The following RNF213 variants were observed in gnomAD, a reference collection of about 807,000 sequenced individuals.
The protein encoded by RNF213 is E3 ubiquitin-protein ligase RNF213.
In RNF213, 341 loss-of-function variants were observed where a neutral mutation model predicts 514.4. That is an observed-to-expected ratio of 0.66 (90% CI 0.61 to 0.73). The LOEUF is 0.73. Among genes scored for constraint, RNF213 ranks in the 30% least tolerant of loss-of-function variants. The pLI is 0.00. For missense variants in RNF213, 5,767 were observed against 6,615.6 expected, an observed-to-expected ratio of 0.87 and a Z score of 4.45; for synonymous variants, 2,655 against 2,658.2, an observed-to-expected ratio of 1.00 and a Z score of 0.04.
chr17:80,381,513 C>T (rs376547997), intron 56 of RNF213, 34 bp from the exon 57 acceptor site: 1 of 1,610,634 alleles, frequency 6.2e-7, no homozygotes, highest in Non-Finnish European at 8.5e-7. Context: ...CAAACCAGAT[C>T]CCCGCTGAAC....
chr17:80,372,882 TG>T, intron 48 of RNF213, 92 bp from the exon 49 acceptor site: 2 of 1,414,226 alleles, frequency 1.4e-6, no homozygotes, highest in Non-Finnish European at 2.0e-6. Context: ...TGAATGCCTG[TG>T]GGTAGGTCCG....
intron 36 of RNF213, 166 bp downstream of exon 36, chr17:80,354,742 G>C: frequency 1.2e-6 from 1 of 817,554 alleles, no homozygotes; most frequent in Non-Finnish European, 2.0e-6. Context: ...CACACAGTAG[G>C]TCTGGACAGT....
intron 18 of RNF213, among the ~76,000 whole-genome samples, chr17:80,326,765 T>C (rs935966967): frequency 6.6e-6 from 1 of 152,226 alleles, no homozygotes; most frequent in Admixed American, 6.5e-5. Flanking sequence ...TAATATTCTA[T>C]TGTATGGATG....
intron 47 of RNF213, 43 bp from the exon 48 acceptor site, chr17:80,372,478 T>A (rs2079553771): frequency 6.8e-7 from 1 of 1,479,164 alleles, no homozygotes; most frequent in African/African-American, 1.4e-5. Context: ...CATCCATGTT[T>A]AAAAAAATAA....
At chr17:80,283,226 C>T (rs917908261) in intron 3 of RNF213, among the ~76,000 whole-genome samples, 1 of 152,264 alleles carries the variant, frequency 6.6e-6, no homozygotes, top group African/African-American at 2.4e-5. Context: ...GGCACTCGGC[C>T]AGTCCTCACC....
chr17:80,292,233 T>C (rs1000444981), intron 8 of RNF213, among the ~76,000 whole-genome samples: 2 of 152,130 alleles, frequency 1.3e-5, no homozygotes, highest in Admixed American at 1.3e-4. Flanking sequence ...TACAGGAGCC[T>C]GTCACCACCC....
At position 80,343,771 on chromosome 17, in the gene RNF213, AAG is replaced by A; in HGVS notation, c.6184-83_6184-82del. On this transcript the variant is annotated intron_variant, in intron 27 of 67. Coordinates refer to ENST00000582970, the MANE Select transcript of RNF213 (RefSeq NM_001256071.3). The surrounding 1 kb of genome is among the most constrained non-coding windows in gnomAD (Gnocchi z 4.3). ...GTTGATCATCAGGATCATCGTGACA[AAG>A]AGCAAAATAAGGAGGGGTTACTTAG... 4 of 1,417,886 alleles carry A rather than the reference AAG, an allele frequency of 2.8e-6. 1 individual carries two copies. In the South Asian group the frequency reaches 3.5e-5, roughly 12 times the overall value. The allele number at this position is 1,417,886 out of a possible 1,614,324, so 87.8% of individuals were successfully genotyped here.
rs1025474234 is a variant in RNF213, at chr17:80,339,561, A to G, written c.5194A>G (p.Ile1732Val). 6.5e-7 allele frequency: 1 copy of G among 1,537,194 alleles called. No homozygotes were observed. The highest frequency in any genetic ancestry group is 8.7e-7 in the Non-Finnish European group (1 of 1,146,876). ...TGCCGCCCTAACGATGCTATCCTTC[A>G]TCAAAAGCAACTGCACCCTGAGGGA... ...SDAALTMLSF[I>V]KSNCTLRDVL... The change falls in exon 26 of 68, where the codon ATC becomes GTC. Residue 1732 changes from isoleucine (I) to valine (V), a missense_variant. Coordinates refer to ENST00000582970, the MANE Select transcript of RNF213 (RefSeq NM_001256071.3).
At chr17:80,351,826 G>C (rs1299269600) in intron 32 of RNF213, 23 bp downstream of exon 32, 1 of 1,192,408 alleles carries the variant, frequency 8.4e-7, no homozygotes, top group African/African-American at 1.5e-5. Context: ...CATCAGTCAG[G>C]GTATTTATTT....
At position 80,377,525 on chromosome 17, in the gene RNF213, A is replaced by C. The variant is rs565778768; in HGVS notation, c.13511-237A>C. ...TACCCCTGGTATGGGCCTATATTCT[A>C]ATTGCTCTTTACTTGATAAAATTAA... On this transcript the variant is annotated intron_variant, in intron 53 of 67. Transcript: ENST00000582970. The surrounding 1 kb of genome is among the most constrained non-coding windows in gnomAD (Gnocchi z 4.1). 5.3e-5 allele frequency among the ~76,000 whole-genome samples: 8 copies of C among 152,264 alleles called. No individual in the cohort carries two copies. The highest frequency in any genetic ancestry group is 2.1e-4 in the South Asian group (1 of 4,822).
At chr17:80,364,672 G>T (rs1364995539) in intron 42 of RNF213, 119 bp downstream of exon 42, 1 of 1,231,096 alleles carries the variant, frequency 8.1e-7, no homozygotes, top group African/African-American at 1.5e-5. Flanking sequence ...GTTTTGTCTA[G>T]ACATGCAAAG....
chr17:80,293,759 G>A (rs573061775), intron 8 of RNF213, among the ~76,000 whole-genome samples: 21 of 152,176 alleles, frequency 1.4e-4, no homozygotes, highest in African/African-American at 4.1e-4. Context: ...CCCGGGAGGC[G>A]GAGCTTGCAG....
In RNF213 at chr17:80,353,749, C is replaced by T. The variant is rs1016081849; in HGVS notation, c.10578+83C>T. The T allele has an allele frequency of 2.5e-5, 40 of 1,575,154 alleles. No homozygotes were observed. Among genetic ancestry groups the T allele is most frequent in the Non-Finnish European group, 3.2e-5 (37 of 1,145,626 alleles). ...TCTTTAAACGCTTTTGCATTGGGAG[C>T]TAGAGGAGTCGCCGCCGCTGTGCAG... On this transcript the variant is annotated intron_variant, in intron 34 of 67. Transcript: ENST00000582970. The surrounding 1 kb of genome is among the most constrained non-coding windows in gnomAD (Gnocchi z 5.0).
At chr17:80,276,606 CAAAG>C (rs963674468) in intron 3 of RNF213, among the ~76,000 whole-genome samples, 8 of 149,424 alleles carry the variant, frequency 5.4e-5, no homozygotes, top group South Asian at 4.3e-4. Flanking sequence ...GATCCTTCCT[CAAAG>C]AGAGAGAGAG....
At chr17:80,284,531 G>GTC (rs1325247942) in intron 3 of RNF213, among the ~76,000 whole-genome samples, 1 of 151,354 alleles carries the variant, frequency 6.6e-6, no homozygotes, top group Non-Finnish European at 1.5e-5. Context: ...GTGACAGAGT[G>GTC]AGACTCCATC....
Position 80,298,423 on chromosome 17 carries a change from C to T in RNF213, c.2115C>T (p.Ala705=), listed in dbSNP as rs778171282. ...TCCTGCACTGCTGTATGGAGCTGGC[C>T]CCGCGGCACAAGGATGCCTGGAGAC... ...LPVLHCCMEL[A]PRHKDAWRQP... The change falls in exon 11 of 68, where the codon GCC becomes GCT. Residue 705 remains alanine, a synonymous_variant. Coordinates refer to ENST00000582970, the MANE Select transcript of RNF213 (RefSeq NM_001256071.3). The T allele has an allele frequency of 6.2e-7, 1 of 1,614,158 alleles. No individual in the cohort carries two copies. The highest frequency in any genetic ancestry group is 1.1e-5 in the South Asian group (1 of 91,080).
At position 80,347,021 on chromosome 17, in the gene RNF213, C is replaced by T. The variant is rs202116232; in HGVS notation, c.8686C>T (p.Arg2896Trp). 6.8e-5 allele frequency: 109 copies of T among 1,613,820 alleles called. 1 individual carries two copies. The highest frequency in any genetic ancestry group is 9.3e-5 in the African/African-American group (7 of 74,906). Residue 2896 changes from arginine (R) to tryptophan (W), a missense_variant, in exon 29 of 68, where the codon CGG (arginine) becomes TGG (tryptophan). Physicochemically the swap from Arg to Trp is moderately radical, Grantham distance 101. Coordinates refer to ENST00000582970, the MANE Select transcript of RNF213 (RefSeq NM_001256071.3). This position sits in a 1 kb window ranked among gnomAD's most constrained non-coding sequence, Gnocchi z 7.2. ...NWALDPAKMN[R>W]GIFVSRGSPN... ...GGCCCTTGACCCTGCCAAGATGAAC[C>T]GGGGCATTTTTGTGTCACGTGGCAG...
chr17:80,327,118 G>C (rs2046300131), intron 18 of RNF213, among the ~76,000 whole-genome samples: 1 of 152,194 alleles, frequency 6.6e-6, no homozygotes, highest in South Asian at 2.1e-4. Context: ...TGCTAGGTAT[G>C]TCTGCATCCT....
At chr17:80,268,443 C>T (rs2043684932) in intron 2 of RNF213, among the ~76,000 whole-genome samples, 1 of 151,140 alleles carries the variant, frequency 6.6e-6, no homozygotes, top group African/African-American at 2.4e-5. Flanking sequence ...TCCAAAGATG[C>T]AGGGGTGGGG....
Sources: gnomAD v4.1 joint callset for allele counts (sites outside exome capture counted in the v4.1 genomes callset) on GRCh38, gnomAD v4.1.1 for gene constraint, Gnocchi (gnomAD v3.1) non-coding constraint, MANE v1.5 for transcripts, NCBI Gene and HGNC (gene_info 2026-07-23, HGNC 2026-07-21) for gene names.